The following TARS1 variants were observed in gnomAD, a reference collection of about 807,000 sequenced individuals.
TARS1 encodes the protein threonine--tRNA ligase 1, cytoplasmic.
TARS1 carries 57 observed loss-of-function variants against 97.7 expected under a neutral mutation model. The ratio of observed to expected loss-of-function variants is 0.58; its 90% CI spans 0.47 to 0.73. TARS1 has a LOEUF of 0.73. Ranked by LOEUF, TARS1 falls within the 30% of genes least tolerant of loss-of-function variation. The pLI is 0.00. For synonymous variants in TARS1, 312 were observed against 293.7 expected (o/e 1.06, Z -0.64); for missense variants, 806 against 888.3 (o/e 0.91, Z 1.18).
chr5:33,458,950 T>C (rs1010835710), intron 10 of TARS1, among the ~76,000 whole-genome samples: 5 of 152,228 alleles, frequency 3.3e-5, no homozygotes, highest in Non-Finnish European at 7.3e-5. Flanking sequence ...AAACGGTTTT[T>C]ACATTGCTTT....
In TARS1 at chr5:33,441,035, C is replaced by G. The variant is rs1250678358; in HGVS notation, c.-52C>G. 1.2e-6 allele frequency: 2 copies of G among 1,612,472 alleles called. No homozygotes were observed. The highest frequency in any genetic ancestry group is 1.7e-6 in the Non-Finnish European group (2 of 1,178,984). On this transcript the variant is annotated 5_prime_UTR_variant, in exon 1 of 19. Transcript: ENST00000265112. ...CCACCTCCCACCCGCCTCTTGGCTC[C>G]TCTCCTCTAGGCCGTCGCTTTCGGG...
intron 8 of TARS1, 139 bp downstream of exon 8, chr5:33,456,366 CTGT>C: frequency 4.3e-6 from 3 of 700,312 alleles, no homozygotes; most frequent in East Asian, 2.7e-5. Context: ...TAACTGGGAG[CTGT>C]ATGCCATCAG....
At chr5:33,455,862 T>G in intron 6 of TARS1, 140 bp from the exon 7 acceptor site, 1 of 986,962 alleles carries the variant, frequency 1.0e-6, no homozygotes, top group South Asian at 1.7e-5. Flanking sequence ...ATTTTTTTCC[T>G]AGCAAACCAT....
At position 33,456,146 on chromosome 5, in the gene TARS1, T is replaced by C; in HGVS notation, c.759-3T>C. 6.2e-7 allele frequency: 1 copy of C among 1,614,046 alleles called. No homozygotes were observed. Among genetic ancestry groups the C allele is most frequent in the South Asian group, 1.1e-5 (1 of 91,058 alleles). ...GTTAAAATTCCTTTCATTTTATCTT[T>C]AGATGTGGCCCTTTGATAGATCTCT... On this transcript the variant is annotated splice_region_variant and splice_polypyrimidine_tract_variant and intron_variant, in intron 7 of 18. Transcript: ENST00000265112.
chr5:33,457,176 G>A, intron 8 of TARS1, 81 bp from the exon 9 acceptor site: 1 of 1,506,422 alleles, frequency 6.6e-7, no homozygotes, highest in Non-Finnish European at 9.0e-7. Context: ...ACTCTAACAA[G>A]GCCTCAAAGC....
chr5:33,450,865 A>G (rs772452621), intron 3 of TARS1, among the ~76,000 whole-genome samples: 26 of 152,254 alleles, frequency 1.7e-4, no homozygotes, highest in Non-Finnish European at 3.7e-4. Flanking sequence ...CTGTAATCCC[A>G]GCACTTTGAG....
chr5:33,453,519 T>C, intron 4 of TARS1, 107 bp downstream of exon 4: 1 of 1,354,528 alleles, frequency 7.4e-7, no homozygotes, highest in Admixed American at 2.2e-5. Flanking sequence ...TATTGTTGTC[T>C]CACTGTCATA....
At chr5:33,450,950 A>C (rs887423810) in intron 3 of TARS1, among the ~76,000 whole-genome samples, 3 of 152,180 alleles carry the variant, frequency 2.0e-5, no homozygotes, top group African/African-American at 7.2e-5. Context: ...CCCTGTCTCT[A>C]CTAAAAATAC....
intron 2 of TARS1, among the ~76,000 whole-genome samples, chr5:33,445,760 C>G (rs1258417020): frequency 6.6e-6 from 1 of 152,178 alleles, no homozygotes; most frequent in Admixed American, 6.5e-5. Flanking sequence ...GGAATAGAGA[C>G]TTGGTGTTTG....
At chr5:33,454,072 A>G (rs1350494171) in intron 4 of TARS1, among the ~76,000 whole-genome samples, 1 of 152,122 alleles carries the variant, frequency 6.6e-6, no homozygotes, top group African/African-American at 2.4e-5. Context: ...ATAAATTTGA[A>G]CCTTACTTCA....
intron 1 of TARS1, chr5:33,441,917 T>C (rs1741121295): frequency 6.6e-6 from 1 of 152,254 alleles, no homozygotes; most frequent in Non-Finnish European, 1.5e-5. Flanking sequence ...TCGGGTTGTT[T>C]GCAAGAGATA....
chr5:33,441,223 G>GGCAGGAA lies in TARS1; in HGVS notation c.57+90_57+96dup, dbSNP rs894223007. On this transcript the variant is annotated intron_variant, in intron 1 of 18. Transcript: ENST00000265112. ...CGCTACGCTCGCGGCGGGAGCGGGGGGCAGGAAGCAGGAAGCGGCCGGGAC... is the reference window on the plus strand; with the variant it reads ...CGCTACGCTCGCGGCGGGAGCGGGGGGCAGGAAGCAGGAAGCAGGAAGCGGCCGGGAC... The GGCAGGAA allele has an allele frequency of 7.6e-6, 12 of 1,577,728 alleles. 1 individual carries two copies. In the African/African-American group the frequency reaches 8.1e-5, roughly 11 times the overall value.
Position 33,461,977 on chromosome 5 carries a change from G to C in TARS1, c.1701G>C (p.Leu567Phe). ...QCATIQLDFQLPIRFNLTYVS... is the reference protein window; with the variant it reads ...QCATIQLDFQFPIRFNLTYVS... The stretch of plus-strand genomic sequence containing the variant: ...CAACCATCCAGCTGGATTTCCAGTT[G>C]CCCATCAGATTTAATCTTACTTATG... Residue 567 changes from leucine to phenylalanine, a missense_variant, in exon 15 of 19, where the codon TTG becomes TTC. Leu to Phe is a conservative substitution (Grantham distance 22, BLOSUM62 0). This residue lies in a region of TARS1 where 446 missense variants were observed against 511.0 expected (regional missense o/e 0.87). Transcript: ENST00000265112. 1 of 1,614,034 alleles carries C rather than the reference G, an allele frequency of 6.2e-7. No homozygotes were observed. Among genetic ancestry groups the C allele is most frequent in the South Asian group, 1.1e-5 (1 of 91,078 alleles).
intron 1 of TARS1, among the ~76,000 whole-genome samples, chr5:33,444,563 T>C (rs1741313406): frequency 6.6e-6 from 1 of 152,262 alleles, no homozygotes; most frequent in African/African-American, 2.4e-5. Context: ...TGGTAACTTT[T>C]AGTTCTTGCT....
chr5:33,455,912 A>C, intron 6 of TARS1, 90 bp from the exon 7 acceptor site: 1 of 1,147,348 alleles, frequency 8.7e-7, no homozygotes, highest in Non-Finnish European at 1.3e-6. Flanking sequence ...ATCAACATTT[A>C]TATTCATACA....
At chr5:33,448,474 C>T in intron 2 of TARS1, 67 bp from the exon 3 acceptor site, 1 of 1,325,744 alleles carries the variant, frequency 7.5e-7, no homozygotes, top group Admixed American at 2.5e-5. Context: ...TTATTTCTTT[C>T]CCATTTCTAA....
intron 18 of TARS1, 41 bp downstream of exon 18, chr5:33,467,026 A>G (rs1377121765): frequency 6.2e-6 from 8 of 1,284,834 alleles, no homozygotes; most frequent in Non-Finnish European, 8.6e-6. Context: ...GCCACACCTC[A>G]GGAAAATCTA....
chr5:33,461,768 T>C, intron 14 of TARS1, 24 bp downstream of exon 14: 1 of 1,607,576 alleles, frequency 6.2e-7, no homozygotes, highest in Non-Finnish European at 8.5e-7. Context: ...TACATTTGGG[T>C]AATATGATTT....
chr5:33,454,066 A>G (rs1434572912), intron 4 of TARS1, among the ~76,000 whole-genome samples: 1 of 152,188 alleles, frequency 6.6e-6, no homozygotes, highest in Non-Finnish European at 1.5e-5. Context: ...TGACAAATAA[A>G]TTTGAACCTT....
Sources: gnomAD v4.1 joint callset for allele counts (sites outside exome capture counted in the v4.1 genomes callset) on GRCh38, gnomAD v4.1.1 for gene constraint, gnomAD v4.1.1 regional missense constraint, MANE v1.5 for transcripts, NCBI Gene and HGNC (gene_info 2026-07-23, HGNC 2026-07-21) for gene names.